The following RANBP2 variants were observed in gnomAD, a reference collection of about 807,000 sequenced individuals.
The protein encoded by RANBP2 is RAN binding protein 2, also known as E3 SUMO-protein ligase RanBP2.
Under a neutral mutation model 303.6 loss-of-function variants are expected in RANBP2, and 57 were observed. The ratio of observed to expected loss-of-function variants is 0.19; its 90% CI spans 0.15 to 0.23. RANBP2 has a LOEUF of 0.23. Among genes scored for constraint, RANBP2 ranks in the 10% least tolerant of loss-of-function variants. The pLI is 1.00. For missense variants in RANBP2, 3,138 were observed against 3,780.8 expected (o/e 0.83, Z 4.46); for synonymous variants, 1,167 against 1,301.5 (o/e 0.90, Z 2.23).
chr2:109,054,798 G>A, the RANBP2 span, among the ~76,000 whole-genome samples: 1 of 151,808 alleles, frequency 6.6e-6, no homozygotes, highest in East Asian at 1.9e-4. Flanking sequence ...CCCATCACCA[G>A]TATGTTCCCT....
the RANBP2 span, among the ~76,000 whole-genome samples, chr2:109,298,284 C>A: frequency 3.4e-5 from 5 of 148,826 alleles, no homozygotes; most frequent in Admixed American, 6.8e-5. Context: ...GAGAGAACTC[C>A]GTGGCTGGCT....
chr2:109,503,317 C>A, the RANBP2 span: 1 of 152,114 alleles, frequency 6.6e-6, no homozygotes, highest in Non-Finnish European at 1.5e-5. Context: ...TCCAGAAATA[C>A]ATTCTTTTGC....
At chr2:109,120,625 C>T in the RANBP2 span, among the ~76,000 whole-genome samples, 1 of 147,664 alleles carries the variant, frequency 6.8e-6, no homozygotes, top group South Asian at 2.2e-4. Context: ...CGAGATCGCG[C>T]CATTGCACTC....
the RANBP2 span, among the ~76,000 whole-genome samples, chr2:108,943,419 A>G: frequency 6.6e-6 from 1 of 152,188 alleles, no homozygotes; most frequent in African/African-American, 2.4e-5. Context: ...AATGGGATAC[A>G]GATTAAACTG....
At chr2:109,667,805 T>A in the RANBP2 span, 15 of 187,146 alleles carry the variant, frequency 8.0e-5, no homozygotes, top group East Asian at 2.1e-3. Context: ...ATGCTCTGAG[T>A]ACAGTGTGCA....
At chr2:108,941,626 G>A in the RANBP2 span, among the ~76,000 whole-genome samples, 5 of 152,148 alleles carry the variant, frequency 3.3e-5, no homozygotes, top group Admixed American at 3.3e-4. Context: ...GATCTCCTTG[G>A]CCCAGAGGCA....
the RANBP2 span, among the ~76,000 whole-genome samples, chr2:109,154,626 T>G: frequency 1.3e-5 from 2 of 152,240 alleles, no homozygotes; most frequent in Non-Finnish European, 2.9e-5. Context: ...CTCTTTGTCC[T>G]GGCTTCTGGC....
the RANBP2 span, among the ~76,000 whole-genome samples, chr2:108,918,451 A>C: frequency 6.6e-6 from 1 of 152,190 alleles, no homozygotes; most frequent in Non-Finnish European, 1.5e-5. Flanking sequence ...CTGCGGGTCC[A>C]TCTCCCCTTG....
At chr2:109,371,745 G>A in the RANBP2 span, 1 of 1,429,500 alleles carries the variant, frequency 7.0e-7, no homozygotes, top group Non-Finnish European at 9.7e-7. Flanking sequence ...ACTACAGTGG[G>A]GTCACCTGAC....
the RANBP2 span, among the ~76,000 whole-genome samples, chr2:109,023,050 C>CA: frequency 2.3e-4 from 34 of 149,048 alleles, no homozygotes; most frequent in East Asian, 3.9e-4. Context: ...GACTCCATCT[C>CA]AAAAAAAAAG....
downstream of RANBP2, chr2:108,788,751 A>G (rs571519106): frequency 1.6e-4 from 235 of 1,460,180 alleles, no homozygotes; most frequent in Admixed American, 6.3e-4. Flanking sequence ...AATTTGAGAG[A>G]GAAGATTTTA....
chr2:108,794,664 T>C, the RANBP2 span: 7 of 1,614,106 alleles, frequency 4.3e-6, no homozygotes, highest in Non-Finnish European at 5.9e-6. Context: ...GGAGTTTACT[T>C]CCACATCAGA....
chr2:109,091,925 T>C, the RANBP2 span, among the ~76,000 whole-genome samples: 6 of 152,084 alleles, frequency 3.9e-5, no homozygotes, highest in African/African-American at 1.4e-4. Context: ...CTGTCTCAGT[T>C]TGTCTCCTGG....
chr2:109,147,514 G>A, the RANBP2 span, among the ~76,000 whole-genome samples: 854 of 152,290 alleles, frequency 5.6e-3, 8 homozygotes, highest in South Asian at 8.3e-3. Context: ...GCCCACACTT[G>A]AAGGAATTAG....
the RANBP2 span, among the ~76,000 whole-genome samples, chr2:108,922,068 C>G: frequency 6.6e-6 from 1 of 152,234 alleles, no homozygotes; most frequent in Non-Finnish European, 1.5e-5. Context: ...CTTAGAGAGG[C>G]GCCCCTGCCG....
chr2:108,843,876 G>GTGTGTGTGTGTGTGTGTGTGTGTGTT, the RANBP2 span, among the ~76,000 whole-genome samples: 4 of 13,894 alleles, frequency 2.9e-4, no homozygotes, highest in East Asian at 0.013. Flanking sequence ...GTGTGTGTGT[G>GTGTGTGTGTGTGTGTGTGTGTGTGTT]TGTTTCTTTC....
chr2:109,124,796 C>A, the RANBP2 span, among the ~76,000 whole-genome samples: 1 of 152,168 alleles, frequency 6.6e-6, no homozygotes, highest in Non-Finnish European at 1.5e-5. Flanking sequence ...CAAATGAGTA[C>A]GTTTAGGGTT....
chr2:108,994,411 C>A, the RANBP2 span, among the ~76,000 whole-genome samples: 3 of 152,218 alleles, frequency 2.0e-5, no homozygotes, highest in Non-Finnish European at 4.4e-5. Flanking sequence ...CTGAGAATGG[C>A]TTTACGAGCT....
the RANBP2 span, among the ~76,000 whole-genome samples, chr2:109,398,324 G>A: frequency 1.4e-4 from 21 of 152,256 alleles, no homozygotes; most frequent in Admixed American, 1.3e-3. Flanking sequence ...AGATTGGGGC[G>A]ACAAGGTAGT....
Sources: allele counts gnomAD v4.1 joint callset (sites outside exome capture counted in the v4.1 genomes callset), GRCh38; gene constraint gnomAD v4.1.1; transcripts MANE v1.5; gene names NCBI Gene and HGNC (gene_info 2026-07-23, HGNC 2026-07-21).